The following JAZF1 variants were observed in gnomAD, a reference collection of about 807,000 sequenced individuals.
The protein encoded by JAZF1 is juxtaposed with another zinc finger protein 1.
JAZF1 carries 8 observed loss-of-function variants against 26.4 expected under a neutral mutation model. The ratio of observed to expected loss-of-function variants is 0.30; its 90% CI spans 0.18 to 0.55. JAZF1 has a LOEUF of 0.55. Among genes scored for constraint, JAZF1 ranks in the 20% least tolerant of loss-of-function variants. The pLI is 0.94. For synonymous variants in JAZF1, 126 were observed against 122.3 expected (o/e 1.03, Z -0.20); for missense variants, 199 against 322.0 (o/e 0.62, Z 2.92).
intron 1 of JAZF1, among the ~76,000 whole-genome samples, chr7:28,147,796 G>C (rs1708301): frequency 0.89 from 135,350 of 151,512 alleles, 60,718 homozygotes; most frequent in East Asian, 0.98. Flanking sequence ...GGGGGGAGGG[G>C]GGACAGGGAG....
chr7:27,959,516 T>G (rs1024910864), intron 2 of JAZF1, among the ~76,000 whole-genome samples: 1 of 152,168 alleles, frequency 6.6e-6, no homozygotes. Flanking sequence ...GACCCACCAG[T>G]TATATTTCTT....
chr7:28,094,850 A>G (rs957271984), intron 1 of JAZF1, among the ~76,000 whole-genome samples: 5 of 152,122 alleles, frequency 3.3e-5, no homozygotes, highest in Non-Finnish European at 7.3e-5. Flanking sequence ...ATGTTTTAAC[A>G]ATGCCCTCTT....
At chr7:27,937,232 A>T (rs1367138960) in intron 2 of JAZF1, among the ~76,000 whole-genome samples, 1 of 152,224 alleles carries the variant, frequency 6.6e-6, no homozygotes, top group African/African-American at 2.4e-5. Context: ...TCAAGCAAGC[A>T]CATAGGCTTA....
intron 3 of JAZF1, among the ~76,000 whole-genome samples, chr7:27,853,436 CCTAT>C (rs1183036817): frequency 3.3e-5 from 5 of 152,080 alleles, no homozygotes; most frequent in African/African-American, 1.2e-4. Flanking sequence ...TCTGCATGAT[CCTAT>C]CTGAGTGAGC....
In JAZF1 at chr7:27,939,185, T is replaced by C. The variant is rs142265953; in HGVS notation, c.189-43769A>G. 7.5e-3 allele frequency among the ~76,000 whole-genome samples: 1,147 copies of C among 152,346 alleles called. 15 individuals carry two copies. Among genetic ancestry groups the C allele is most frequent in the African/African-American group, 0.027 (1,103 of 41,580 alleles). On this transcript the variant is annotated intron_variant, in intron 2 of 4. Transcript: ENST00000283928. ...AATGATATGGTTAGAGGCTCATTAC[T>C]TGGAGCTTTAGGAATGGTTTTGTTA...
intron 1 of JAZF1, among the ~76,000 whole-genome samples, chr7:28,070,863 A>G (rs1783964460): frequency 6.6e-6 from 1 of 152,232 alleles, no homozygotes; most frequent in South Asian, 2.1e-4. Flanking sequence ...ATCCCCTATT[A>G]AAGCGTGAGC....
At chr7:28,060,706 T>C (rs1783783860) in intron 1 of JAZF1, among the ~76,000 whole-genome samples, 1 of 152,200 alleles carries the variant, frequency 6.6e-6, no homozygotes, top group South Asian at 2.1e-4. Context: ...ACCAAGAGAA[T>C]ATAGCTTAGA....
In JAZF1 at chr7:27,994,500, C is replaced by A. The variant is rs529139361; in HGVS notation, c.116-2519G>T. Among the ~76,000 whole-genome samples, 5 of 151,780 alleles carry A rather than the reference C, an allele frequency of 3.3e-5. No homozygotes were observed. In the South Asian group the frequency reaches 1.0e-3, roughly 32 times the overall value. On this transcript the variant is annotated intron_variant, in intron 1 of 4. Coordinates refer to ENST00000283928, the MANE Select transcript of JAZF1 (RefSeq NM_175061.4). ...ACACACACAAAAAACCATTTGGAAG[C>A]ACCTCAGGTAGGATTCTACTTTTTC...
chr7:27,871,425 C>T (rs140771044), intron 3 of JAZF1, among the ~76,000 whole-genome samples: 111 of 152,328 alleles, frequency 7.3e-4, no homozygotes, highest in African/African-American at 2.3e-3. Context: ...CATCTCAGAA[C>T]AAACCAACGA....
intron 2 of JAZF1, among the ~76,000 whole-genome samples, chr7:27,914,141 G>A (rs1784407328): frequency 6.6e-6 from 1 of 152,158 alleles, no homozygotes; most frequent in South Asian, 2.1e-4. Flanking sequence ...TGCTATGTGG[G>A]TTGAAAATTT....
intron 3 of JAZF1, chr7:27,844,274 A>G (rs1288406976): frequency 1.3e-5 from 2 of 152,358 alleles, no homozygotes; most frequent in East Asian, 3.9e-4. Context: ...CTAAGTCACC[A>G]AAGCCCCTGG....
At chr7:27,935,245 G>C (rs1784747945) in intron 2 of JAZF1, among the ~76,000 whole-genome samples, 1 of 152,182 alleles carries the variant, frequency 6.6e-6, no homozygotes, top group Non-Finnish European at 1.5e-5. Flanking sequence ...CCTATTGTTG[G>C]TGGGAATGTT....
rs1785379887 is a variant in JAZF1 at position 27,971,854 on chromosome 7, G to C, written c.188+20055C>G. Among the ~76,000 whole-genome samples, 3 of 152,180 alleles carry C rather than the reference G, an allele frequency of 2.0e-5. No homozygotes were observed. In the South Asian group the frequency reaches 6.2e-4, roughly 32 times the overall value. On this transcript the variant is annotated intron_variant, in intron 2 of 4. Transcript: ENST00000283928. ...ATTTCATACCATGTGCAAAGTACTT[G>C]CTATACAATCAGGTGTGAAAAGATA...
chr7:27,964,348 C>T (rs998392565), intron 2 of JAZF1, among the ~76,000 whole-genome samples: 4 of 151,930 alleles, frequency 2.6e-5, no homozygotes, highest in Non-Finnish European at 5.9e-5. Context: ...GCCATCATGA[C>T]GAAATGAAGG....
intron 1 of JAZF1, among the ~76,000 whole-genome samples, chr7:28,147,618 C>T (rs920346464): frequency 2.7e-5 from 4 of 150,740 alleles, no homozygotes; most frequent in Non-Finnish European, 2.9e-5. Flanking sequence ...GAGGCCAAGG[C>T]GAGTGGATAG....
At chr7:28,071,220 GAC>G (rs1296735961) in intron 1 of JAZF1, among the ~76,000 whole-genome samples, 1 of 152,176 alleles carries the variant, frequency 6.6e-6, no homozygotes, top group African/African-American at 2.4e-5. Flanking sequence ...AGGGAGGTTT[GAC>G]ACCAAAAGAG....
intron 2 of JAZF1, among the ~76,000 whole-genome samples, chr7:27,927,273 C>T (rs1191248302): frequency 6.6e-6 from 1 of 152,176 alleles, no homozygotes; most frequent in Non-Finnish European, 1.5e-5. Flanking sequence ...AATTTCTTCC[C>T]TGCACTTCTA....
intron 1 of JAZF1, among the ~76,000 whole-genome samples, chr7:28,151,106 TATA>T (rs202073983): frequency 0.19 from 19,134 of 99,812 alleles, 1,416 homozygotes; most frequent in South Asian, 0.29. Flanking sequence ...TATATATATA[TATA>T]TATTTTTTTT....
At chr7:28,007,501 G>A (rs1402392953) in intron 1 of JAZF1, among the ~76,000 whole-genome samples, 2 of 152,076 alleles carry the variant, frequency 1.3e-5, no homozygotes, top group Non-Finnish European at 2.9e-5. Flanking sequence ...CCCGGGAGGC[G>A]GAGGTTGCAG....
Sources: gnomAD v4.1 joint callset for allele counts (sites outside exome capture counted in the v4.1 genomes callset) on GRCh38, gnomAD v4.1.1 for gene constraint, MANE v1.5 for transcripts, NCBI Gene and HGNC (gene_info 2026-07-23, HGNC 2026-07-21) for gene names.